The following CNTNAP2 variants were observed in gnomAD, a reference collection of about 807,000 sequenced individuals.
The protein encoded by CNTNAP2 is contactin associated protein 2.
In CNTNAP2, 98 loss-of-function variants were observed where a neutral mutation model predicts 155.2. The ratio of observed to expected loss-of-function variants is 0.63; its 90% confidence interval spans 0.54 to 0.75. The LOEUF is 0.75. Among genes scored for constraint, CNTNAP2 ranks in the 30% least tolerant of loss-of-function variants. The pLI is 0.00. For missense variants in CNTNAP2, 1,727 were observed against 1,688.1 expected (o/e 1.02, Z -0.40); for synonymous variants, 651 against 631.2 (o/e 1.03, Z -0.47).
intron 9 of CNTNAP2, among the ~76,000 whole-genome samples, chr7:147,300,775 T>C (rs1432665971): frequency 6.6e-6 from 1 of 152,126 alleles, no homozygotes; most frequent in Non-Finnish European, 1.5e-5. Context: ...TTCCGGTAGG[T>C]CTCACTTACC....
intron 14 of CNTNAP2, among the ~76,000 whole-genome samples, chr7:147,948,214 TAGAA>T (rs144910352): frequency 0.1 from 15,123 of 151,772 alleles, 974 homozygotes; most frequent in African/African-American, 0.18. Flanking sequence ...TAGAAAAAAA[TAGAA>T]AGAATGAATA....
intron 13 of CNTNAP2, among the ~76,000 whole-genome samples, chr7:147,796,398 C>A (rs1797895865): frequency 6.6e-6 from 1 of 151,792 alleles, no homozygotes; most frequent in South Asian, 2.1e-4. Flanking sequence ...ACAAATAATC[C>A]CAAAGACATT....
intron 13 of CNTNAP2, among the ~76,000 whole-genome samples, chr7:147,867,717 A>G (rs866970633): frequency 6.6e-6 from 1 of 152,004 alleles, no homozygotes; most frequent in Admixed American, 6.6e-5. Flanking sequence ...GTCACTAATA[A>G]CCTTTCTTCT....
chr7:148,108,294 C>T (rs572680157), intron 15 of CNTNAP2, among the ~76,000 whole-genome samples: 4 of 151,946 alleles, frequency 2.6e-5, no homozygotes, highest in Non-Finnish European at 4.4e-5. Flanking sequence ...CTCTACAAAG[C>T]GTAACACAGG....
At chr7:147,659,500 G>T (rs570761536) in intron 13 of CNTNAP2, among the ~76,000 whole-genome samples, 1 of 152,160 alleles carries the variant, frequency 6.6e-6, no homozygotes, top group Non-Finnish European at 1.5e-5. Flanking sequence ...CACTGGGGTG[G>T]ATAAACCTTA....
rs1157125814 is a variant in CNTNAP2 at position 147,108,159 on chromosome 7, T to C, written c.563T>C (p.Ile188Thr). The C allele has an allele frequency of 1.2e-6, 2 of 1,613,232 alleles. No homozygotes were observed. The highest frequency in any genetic ancestry group is 1.7e-6 in the Non-Finnish European group (2 of 1,179,676). ...TTTTTTGTTTTAGGGGCTGATGTTA[T>C]CAACTTTGATGGCCATGTTGTATTA... ...VYGCSYWADVINFDGHVVLPY... is the reference protein window; with the variant it reads ...VYGCSYWADVTNFDGHVVLPY... Residue 188 changes from isoleucine (I) to threonine (T), a missense_variant, in exon 5 of 24, where the codon ATC becomes ACC. By Grantham distance (89) the Ile-to-Thr change is moderately conservative (BLOSUM62 -1). Transcript: ENST00000361727.
chr7:147,889,751 A>T (rs1585012411), intron 13 of CNTNAP2, among the ~76,000 whole-genome samples: 4 of 152,332 alleles, frequency 2.6e-5, no homozygotes, highest in Admixed American at 2.6e-4. Flanking sequence ...TAGCACATAT[A>T]GCTAGTGAGA....
chr7:148,106,592 C>T (rs1206355752), intron 15 of CNTNAP2, among the ~76,000 whole-genome samples: 4 of 150,814 alleles, frequency 2.7e-5, no homozygotes, highest in Non-Finnish European at 5.9e-5. Context: ...AACTCCTGGG[C>T]TCAAGCAATC....
chr7:147,535,324 G>A (rs1313189243), intron 11 of CNTNAP2, among the ~76,000 whole-genome samples: 3 of 151,992 alleles, frequency 2.0e-5, no homozygotes, highest in East Asian at 1.9e-4. Flanking sequence ...CCCAGGAGGC[G>A]GAGCTTGCAG....
At chr7:148,405,104 C>A (rs1799668227) in intron 22 of CNTNAP2, among the ~76,000 whole-genome samples, 1 of 152,056 alleles carries the variant, frequency 6.6e-6, no homozygotes. Flanking sequence ...GTGTGTGGAA[C>A]CCTTGCCAGG....
chr7:147,217,732 TC>T (rs1803305752), intron 8 of CNTNAP2, among the ~76,000 whole-genome samples: 1 of 152,064 alleles, frequency 6.6e-6, no homozygotes, highest in African/African-American at 2.4e-5. Flanking sequence ...TATAATTTAT[TC>T]TTTAAAAGTT....
chr7:148,375,323 TAAA>T (rs1563063949), intron 21 of CNTNAP2, among the ~76,000 whole-genome samples: 1 of 147,720 alleles, frequency 6.8e-6, no homozygotes, highest in Non-Finnish European at 1.5e-5. Context: ...ATATAAAATA[TAAA>T]TATATATATT....
chr7:146,775,287 A>G (rs1802370626), intron 2 of CNTNAP2, among the ~76,000 whole-genome samples: 1 of 152,154 alleles, frequency 6.6e-6, no homozygotes. Context: ...ATCCTTGAAA[A>G]TTGCTAAAGT....
At chr7:146,172,492 T>G (rs749183514) in intron 1 of CNTNAP2, among the ~76,000 whole-genome samples, 2 of 152,130 alleles carry the variant, frequency 1.3e-5, no homozygotes, top group African/African-American at 4.8e-5. Context: ...TTTATTGAAT[T>G]TATTCTCCTT....
intron 21 of CNTNAP2, among the ~76,000 whole-genome samples, chr7:148,353,580 CAG>C (rs1798464628): frequency 6.6e-6 from 1 of 152,168 alleles, no homozygotes; most frequent in African/African-American, 2.4e-5. Flanking sequence ...CTAAAAATCT[CAG>C]AATTATTATC....
chr7:148,338,530 T>C (rs10281587), intron 21 of CNTNAP2, among the ~76,000 whole-genome samples: 7,574 of 151,188 alleles, frequency 0.05, 361 homozygotes, highest in African/African-American at 0.12. Context: ...CTATCTCTTA[T>C]ATTGCCCAGT....
At chr7:148,263,467 G>A (rs575828395) in intron 20 of CNTNAP2, among the ~76,000 whole-genome samples, 2 of 151,984 alleles carry the variant, frequency 1.3e-5, no homozygotes, top group South Asian at 2.1e-4. Flanking sequence ...GGCCGGGTGC[G>A]GTGGCTCACG....
chr7:146,422,985 G>T (rs1006497724), intron 1 of CNTNAP2, among the ~76,000 whole-genome samples: 5 of 152,086 alleles, frequency 3.3e-5, no homozygotes, highest in Non-Finnish European at 7.4e-5. Flanking sequence ...TTTCTGTGAA[G>T]AAAATACTGT....
intron 10 of CNTNAP2, among the ~76,000 whole-genome samples, chr7:147,421,302 T>C (rs1443909996): frequency 2.0e-5 from 3 of 151,956 alleles, no homozygotes; most frequent in African/African-American, 7.2e-5. Context: ...ATATTGAAAT[T>C]AGAGAAATAG....
Sources: allele counts gnomAD v4.1 joint callset (sites outside exome capture counted in the v4.1 genomes callset), GRCh38; gene constraint gnomAD v4.1.1; transcripts MANE v1.5; gene names NCBI Gene and HGNC (gene_info 2026-07-23, HGNC 2026-07-21).